Variants in CHL1 observed in about 807,000 individuals in gnomAD.
The protein encoded by CHL1 is cell adhesion molecule L1 like.
A neutral mutation model predicts 141.9 loss-of-function variants in CHL1; 96 were observed. The observed-to-expected ratio is 0.68, with a 90% CI of 0.57 to 0.80. The LOEUF (loss-of-function observed/expected upper bound fraction) is 0.80. Among genes scored for constraint, CHL1 ranks in the 30% least tolerant of loss-of-function variants. The probability of loss-of-function intolerance (pLI) is 0.00; values close to 1 mark genes in which losing one functional copy is unlikely to be tolerated. For synonymous variants in CHL1, 613 were observed against 502.2 expected (o/e 1.22, Z -2.95); for missense variants, 1,820 against 1,457.2 (o/e 1.25, Z -4.05).
At chr3:377,705 C>A in intron 15 of CHL1, 113 bp from the exon 16 acceptor site, 2 of 899,482 alleles carry the variant, frequency 2.2e-6, no homozygotes, top group Non-Finnish European at 3.3e-6. Flanking sequence ...TGCATAAAGT[C>A]ATCTTTCACT....
At chr3:238,807 T>C (rs1018652080) in intron 1 of CHL1, among the ~76,000 whole-genome samples, 8 of 149,854 alleles carry the variant, frequency 5.3e-5, no homozygotes, top group African/African-American at 2.0e-4. Context: ...GTGGCGGGTG[T>C]CTGTAATCCC....
intron 6 of CHL1, 89 bp downstream of exon 6, chr3:341,005 AAAAT>A: frequency 1.5e-6 from 2 of 1,360,908 alleles, no homozygotes; most frequent in Non-Finnish European, 2.0e-6. Flanking sequence ...GACAAAATAA[AAAAT>A]AAAGATCTCT....
chr3:405,522 A>C lies in CHL1; in HGVS notation c.3486A>C (p.Gly1162=), dbSNP rs150655055. 1.9e-6 allele frequency: 3 copies of C among 1,612,840 alleles called. No individual in the cohort carries two copies. The African/African-American group carries it at 4.0e-5, about 22-fold the overall frequency. The change falls in exon 28 of 28, where the codon GGA becomes GGC. Residue 1162 remains glycine (G), a synonymous_variant. Coordinates refer to ENST00000256509, the MANE Select transcript of CHL1 (RefSeq NM_006614.4). ...ACAGTGATGAAAAGCCTCTCAAAGG[A>C]AGCCTTCGGTCCCTTAATAGGGATA... ...YSDSDEKPLK[G]SLRSLNRDMQ... is the part of the protein sequence containing the mutation.
chr3:398,172 T>C, intron 24 of CHL1, 55 bp from the exon 25 acceptor site: 1 of 1,221,226 alleles, frequency 8.2e-7, no homozygotes, highest in Non-Finnish European at 1.1e-6. Flanking sequence ...TATTTTTTTA[T>C]GTCCTGTTTT....
chr3:393,802 T>A (rs1708442196), intron 23 of CHL1, among the ~76,000 whole-genome samples: 1 of 152,186 alleles, frequency 6.6e-6, no homozygotes, highest in Admixed American at 6.5e-5. Flanking sequence ...TTCACCTCCT[T>A]CTTTCCAATG....
intron 27 of CHL1, among the ~76,000 whole-genome samples, chr3:402,583 G>A (rs1436114181): frequency 6.6e-6 from 1 of 152,136 alleles, no homozygotes; most frequent in Non-Finnish European, 1.5e-5. Context: ...GAAGAAATCT[G>A]ATTGATCCTG....
chr3:382,381 A>G, intron 17 of CHL1, 93 bp from the exon 18 acceptor site: 1 of 1,459,856 alleles, frequency 6.8e-7, no homozygotes, highest in Non-Finnish European at 9.6e-7. Context: ...TTCTTATAAC[A>G]TCCTTTTGAA....
intron 2 of CHL1, among the ~76,000 whole-genome samples, chr3:309,920 A>C (rs1309917231): frequency 6.6e-6 from 1 of 152,186 alleles, no homozygotes; most frequent in East Asian, 1.9e-4. Flanking sequence ...GTTATGGTTA[A>C]ATTTTTATCA....
At chr3:317,543 C>G (rs1252418242) in intron 2 of CHL1, among the ~76,000 whole-genome samples, 7 of 151,270 alleles carry the variant, frequency 4.6e-5, no homozygotes, top group African/African-American at 1.7e-4. Context: ...GCTCTTAAAG[C>G]CATCAGCATT....
At chr3:235,678 AGGGGAGGCCATCTCTATTT>A (rs771574654) in intron 1 of CHL1, among the ~76,000 whole-genome samples, 53 of 152,212 alleles carry the variant, frequency 3.5e-4, no homozygotes, top group Non-Finnish European at 6.9e-4. Context: ...TTCTACTTCC[AGGGGAGGCCATCTCTATTT>A]GCATTAGAAA....
rs1159691986 is a variant in CHL1 at position 337,185 on chromosome 3, G to GTTTTTTTTTTTTTTTTTTT, written c.386-3604_386-3603insTTTTTTTTTTTTTTTTTTT. On this transcript the variant is annotated intron_variant, in intron 5 of 27. Coordinates refer to ENST00000256509, the MANE Select transcript of CHL1 (RefSeq NM_006614.4). ...TAATGGGATTTCCAAACATTCTTTT[G>GTTTTTTTTTTTTTTTTTTT]TTTTTGTTTTTTTTTTTTTTTTTGA... Among the ~76,000 whole-genome samples, 4 of 81,118 alleles carry GTTTTTTTTTTTTTTTTTTT rather than the reference G, an allele frequency of 4.9e-5. 1 individual carries two copies. Among genetic ancestry groups the GTTTTTTTTTTTTTTTTTTT allele is most frequent in the African/African-American group, 9.8e-5 (2 of 20,334 alleles). 53.2% of individuals were successfully genotyped at this position (81,118 alleles called of 152,430 possible). A position where few individuals can be genotyped will look rare whatever the true frequency, so the allele number is the denominator to read the frequency against.
intron 2 of CHL1, among the ~76,000 whole-genome samples, chr3:260,094 G>A (rs1340685350): frequency 6.6e-6 from 1 of 152,002 alleles, no homozygotes; most frequent in African/African-American, 2.4e-5. Context: ...ATGAAACCCT[G>A]TCTCTACTAA....
In CHL1 at chr3:349,234, C is replaced by A. The variant is rs143303898; in HGVS notation, c.849-125C>A. 6 of 746,358 alleles carry A rather than the reference C, an allele frequency of 8.0e-6. No homozygotes were observed. The South Asian group carries it at 8.9e-5, about 11-fold the overall frequency. The allele number at this position is 746,358 out of a possible 1,614,324, so 46.2% of individuals were successfully genotyped here. A position where few individuals can be genotyped will look rare whatever the true frequency, so the allele number is the denominator to read the frequency against. ...TGTGTCTGTCCACTGGTAAGGATGA[C>A]GTGATTCAGTGGAATATGAGCACAT... On this transcript the variant is annotated intron_variant, in intron 9 of 27. Coordinates refer to ENST00000256509, the MANE Select transcript of CHL1 (RefSeq NM_006614.4).
chr3:394,714 G>C lies in CHL1; in HGVS notation c.2936G>C (p.Gly979Ala). Residue 979 changes from glycine to alanine, a missense_variant, in exon 24 of 28, where the codon GGA becomes GCA. Physicochemically the swap from Gly to Ala is moderately conservative, Grantham distance 60. Coordinates refer to ENST00000256509, the MANE Select transcript of CHL1 (RefSeq NM_006614.4). ...YQIINDTYEIGELNDINITTP... is the reference protein window; with the variant it reads ...YQIINDTYEIAELNDINITTP... ...TTAGTAAATGACACCTACGAGATTG[G>C]AGAATTAAATGATATTAACATTACA... is the stretch of plus-strand genomic sequence containing the variant. 1 of 1,611,332 alleles carries C rather than the reference G, an allele frequency of 6.2e-7. No individual in the cohort carries two copies. Among genetic ancestry groups the C allele is most frequent in the South Asian group, 1.1e-5 (1 of 90,598 alleles).
intron 1 of CHL1, among the ~76,000 whole-genome samples, chr3:236,409 T>TA (rs1285000058): frequency 6.6e-6 from 1 of 152,104 alleles, no homozygotes; most frequent in East Asian, 1.9e-4. Flanking sequence ...CAGCCTTCTA[T>TA]AGGGAAGGGA....
At chr3:338,742 TAG>T (rs1323426364) in intron 5 of CHL1, among the ~76,000 whole-genome samples, 1 of 152,220 alleles carries the variant, frequency 6.6e-6, no homozygotes, top group African/African-American at 2.4e-5. Flanking sequence ...GCAGTTTTGG[TAG>T]AGTTATAAAT....
chr3:315,350 T>C (rs905981270), intron 2 of CHL1, among the ~76,000 whole-genome samples: 8 of 152,136 alleles, frequency 5.3e-5, no homozygotes, highest in Admixed American at 3.3e-4. Context: ...TCACTGCACA[T>C]CACTTTGTCA....
chr3:333,822 T>G (rs562145710), intron 5 of CHL1, among the ~76,000 whole-genome samples: 1 of 152,222 alleles, frequency 6.6e-6, no homozygotes, highest in Non-Finnish European at 1.5e-5. Context: ...ATAATATAAA[T>G]AATCCTAATT....
chr3:357,571 G>A (rs1703830621), intron 11 of CHL1, among the ~76,000 whole-genome samples: 3 of 152,158 alleles, frequency 2.0e-5, no homozygotes, highest in Admixed American at 1.3e-4. Flanking sequence ...CAGAGCTGAA[G>A]TTTCGTCCAT....
Sources: gnomAD v4.1 joint callset for allele counts (sites outside exome capture counted in the v4.1 genomes callset) on GRCh38, gnomAD v4.1.1 for gene constraint, MANE v1.5 for transcripts, NCBI Gene and HGNC (gene_info 2026-07-23, HGNC 2026-07-21) for gene names.